The following FHOD3 variants were observed in gnomAD, a reference collection of about 807,000 sequenced individuals.
FHOD3 encodes formin homology 2 domain containing 3.
A neutral mutation model predicts 173.0 loss-of-function variants in FHOD3; 90 were observed. The observed-to-expected ratio is 0.52, with a 90% CI of 0.44 to 0.62. The LOEUF (loss-of-function observed/expected upper bound fraction) is 0.62, where lower values mean the gene tolerates loss of function less well. FHOD3 is among the 20% of genes least tolerant of loss of function. The probability of loss-of-function intolerance (pLI) is 0.00; values close to 1 mark genes in which losing one functional copy is unlikely to be tolerated. For missense variants in FHOD3, 1,945 were observed against 2,034.7 expected (o/e 0.96, Z 0.85); for synonymous variants, 828 against 823.0 (o/e 1.01, Z -0.10).
chr18:36,619,996 A>G (rs1358877561), intron 9 of FHOD3, among the ~76,000 whole-genome samples: 1 of 152,216 alleles, frequency 6.6e-6, no homozygotes, highest in African/African-American at 2.4e-5. Flanking sequence ...TTGAGATCCC[A>G]TGAGGGCCTT....
intron 5 of FHOD3, among the ~76,000 whole-genome samples, chr18:36,568,133 G>A (rs2058330167): frequency 6.8e-6 from 1 of 146,920 alleles, no homozygotes; most frequent in Non-Finnish European, 1.5e-5. Flanking sequence ...AGACCAGCCT[G>A]GCCAACCGGA....
At chr18:36,438,194 C>T (rs2050923539) in intron 3 of FHOD3, among the ~76,000 whole-genome samples, 1 of 152,126 alleles carries the variant, frequency 6.6e-6, no homozygotes, top group Non-Finnish European at 1.5e-5. Context: ...AGCTGGCTAG[C>T]ATGGTGGTTG....
At chr18:36,653,002 T>C (rs1387470358) in intron 12 of FHOD3, 73 bp downstream of exon 12, 1 of 1,448,492 alleles carries the variant, frequency 6.9e-7, no homozygotes, top group Non-Finnish European at 9.1e-7. Context: ...ACTGCACCCC[T>C]TGGCTTGGCT....
At chr18:36,710,288 C>T (rs558349487) in intron 18 of FHOD3, 2 of 152,324 alleles carry the variant, frequency 1.3e-5, no homozygotes, top group African/African-American at 4.8e-5. Context: ...ACAAACACTC[C>T]TAACCAGTGG....
At position 36,404,302 on chromosome 18, in the gene FHOD3, AGACCTGGCCTCTTACTGCTCTGT is replaced by A. The variant is rs1231753000; in HGVS notation, c.337+31564_337+31586del. The stretch of plus-strand genomic sequence containing the variant: ...TCCCCTGGGATGTTGGTTCATATCC[AGACCTGGCCTCTTACTGCTCTGT>A]GACCTCAGGTGACCTCTCCAGGTGT... On this transcript the variant is annotated intron_variant, in intron 3 of 28. Coordinates refer to ENST00000590592, the MANE Select transcript of FHOD3 (RefSeq NM_001281740.3). Among the ~76,000 whole-genome samples the A allele has an allele frequency of 3.9e-5, 6 of 152,326 alleles. No individual in the cohort carries two copies. In the East Asian group the frequency reaches 7.7e-4, roughly 20 times the overall value.
chr18:36,355,249 C>T (rs927547420), intron 1 of FHOD3, among the ~76,000 whole-genome samples: 9 of 152,070 alleles, frequency 5.9e-5, no homozygotes, highest in Non-Finnish European at 1.3e-4. Flanking sequence ...CATCTGTGCC[C>T]CTGAGAGTGG....
chr18:36,694,330 T>A (rs989667465), intron 17 of FHOD3, among the ~76,000 whole-genome samples: 8 of 152,202 alleles, frequency 5.3e-5, no homozygotes, highest in Non-Finnish European at 8.8e-5. Flanking sequence ...TTAGCAGAAC[T>A]GGATATAATG....
At chr18:36,733,883 AAGCCAGTG>A (rs1287292361) in intron 20 of FHOD3, among the ~76,000 whole-genome samples, 1 of 152,190 alleles carries the variant, frequency 6.6e-6, no homozygotes, top group African/African-American at 2.4e-5. Context: ...CCAGGCTCCC[AAGCCAGTG>A]AGCCAGAGAG....
chr18:36,682,520 A>G (rs1181238697), intron 15 of FHOD3, among the ~76,000 whole-genome samples: 1 of 152,106 alleles, frequency 6.6e-6, no homozygotes, highest in African/African-American at 2.4e-5. Context: ...TCCCCATTAT[A>G]TCTACAAGGA....
chr18:36,533,888 A>C (rs2056886210), intron 5 of FHOD3, among the ~76,000 whole-genome samples: 1 of 152,222 alleles, frequency 6.6e-6, no homozygotes, highest in Non-Finnish European at 1.5e-5. Context: ...TATCTTCCCC[A>C]TTAGAGTTAA....
chr18:36,388,211 T>C (rs1009363284), intron 3 of FHOD3, among the ~76,000 whole-genome samples: 6 of 152,176 alleles, frequency 3.9e-5, no homozygotes, highest in African/African-American at 1.4e-4. Context: ...GCATATCATA[T>C]CTTTCTGACA....
intron 3 of FHOD3, among the ~76,000 whole-genome samples, chr18:36,493,213 C>CTTTTTTTTTT (rs60189688): frequency 5.8e-5 from 8 of 138,142 alleles, no homozygotes; most frequent in Admixed American, 7.2e-5. Context: ...TTTTCTTTTT[C>CTTTTTTTTTT]TTTTTTTTTT....
intron 3 of FHOD3, among the ~76,000 whole-genome samples, chr18:36,500,343 C>T (rs1006139010): frequency 1.3e-5 from 2 of 152,182 alleles, no homozygotes; most frequent in African/African-American, 4.8e-5. Flanking sequence ...GGGGCCTATC[C>T]ATTTCCTGGG....
At chr18:36,533,335 C>T (rs1644538512) in intron 5 of FHOD3, among the ~76,000 whole-genome samples, 1 of 152,242 alleles carries the variant, frequency 6.6e-6, no homozygotes, top group Admixed American at 6.5e-5. Flanking sequence ...GTCTGCCCTA[C>T]TACTAACACA....
chr18:36,313,894 T>C (rs562783062), intron 1 of FHOD3, among the ~76,000 whole-genome samples: 2 of 152,148 alleles, frequency 1.3e-5, no homozygotes, highest in East Asian at 3.9e-4. Flanking sequence ...TGTCTTTTTT[T>C]TTTTTTTGAG....
intron 3 of FHOD3, among the ~76,000 whole-genome samples, chr18:36,495,250 T>C (rs1420514080): frequency 1.3e-5 from 2 of 152,146 alleles, no homozygotes; most frequent in African/African-American, 2.4e-5. Flanking sequence ...CTTTTTATGC[T>C]TTTTTGACAT....
chr18:36,394,184 G>A (rs1468329684), intron 3 of FHOD3, among the ~76,000 whole-genome samples: 1 of 152,112 alleles, frequency 6.6e-6, no homozygotes, highest in Non-Finnish European at 1.5e-5. Context: ...GTCTCCTGGG[G>A]AGCATGCTAT....
chr18:36,584,142 TGCTTTGTATAAATG>T (rs145439016), intron 6 of FHOD3, among the ~76,000 whole-genome samples: 3,529 of 152,258 alleles, frequency 0.023, 150 homozygotes, highest in African/African-American at 0.081. Context: ...TTTTTCCTGC[TGCTTTGTATAAATG>T]GCTTCATTTT....
intron 1 of FHOD3, among the ~76,000 whole-genome samples, chr18:36,320,192 G>C (rs1448137764): frequency 6.6e-6 from 1 of 152,146 alleles, no homozygotes; most frequent in Non-Finnish European, 1.5e-5. Flanking sequence ...AATGAATCCA[G>C]GAGCTGGTTT....
Sources: gnomAD v4.1 joint callset for allele counts (sites outside exome capture counted in the v4.1 genomes callset) on GRCh38, gnomAD v4.1.1 for gene constraint, MANE v1.5 for transcripts, NCBI Gene and HGNC (gene_info 2026-07-23, HGNC 2026-07-21) for gene names.